Variants in SOBP observed in about 807,000 individuals in gnomAD.
SOBP encodes the protein sine oculis binding protein homolog.
A neutral mutation model predicts 53.6 loss-of-function variants in SOBP; 4 were observed. The observed-to-expected ratio is 0.07, with a 90% confidence interval of 0.04 to 0.17. The LOEUF (loss-of-function observed/expected upper bound fraction) is 0.17, where lower values mean the gene tolerates loss of function less well. SOBP is among the 10% of genes least tolerant of loss of function. The pLI, the probability that SOBP is intolerant of heterozygous loss-of-function variation, is 1.00. For synonymous variants in SOBP, 584 were observed against 522.6 expected (o/e 1.12, Z -1.60); for missense variants, 1,088 against 1,204.7 (o/e 0.90, Z 1.43).
intron 4 of SOBP, among the ~76,000 whole-genome samples, chr6:107,570,057 T>C (rs1018682928): frequency 6.6e-6 from 1 of 152,206 alleles, no homozygotes; most frequent in Non-Finnish European, 1.5e-5. Flanking sequence ...TTAGCACTTA[T>C]GCTAATGAGA....
intron 4 of SOBP, among the ~76,000 whole-genome samples, chr6:107,570,165 T>C (rs1041746748): frequency 6.6e-6 from 1 of 152,258 alleles, no homozygotes; most frequent in African/African-American, 2.4e-5. Flanking sequence ...TTATTGTCCT[T>C]CGTCTCCTGC....
chr6:107,549,823 T>G (rs1436019327), intron 4 of SOBP, among the ~76,000 whole-genome samples: 1 of 152,024 alleles, frequency 6.6e-6, no homozygotes, highest in Non-Finnish European at 1.5e-5. Flanking sequence ...GGAGATGGGG[T>G]GATGTACTGG....
intron 3 of SOBP, among the ~76,000 whole-genome samples, chr6:107,530,202 T>C (rs1035586694): frequency 6.6e-6 from 1 of 152,154 alleles, no homozygotes; most frequent in Non-Finnish European, 1.5e-5. Context: ...CTTGAAGAAA[T>C]ATTTTTTTAA....
chr6:107,510,001 C>G (rs1398843909), intron 3 of SOBP: 1 of 152,206 alleles, frequency 6.6e-6, no homozygotes, highest in African/African-American at 2.4e-5. Flanking sequence ...GGAGCTTATT[C>G]TCTTAGTTAC....
intron 2 of SOBP, 60 bp from the exon 3 acceptor site, chr6:107,506,182 A>G (rs2114949084): frequency 1.4e-6 from 2 of 1,479,618 alleles, no homozygotes; most frequent in Non-Finnish European, 1.9e-6. Context: ...ATAAGGAAAA[A>G]TTTAAGTCTA....
At chr6:107,493,998 G>A (rs560608595) in intron 1 of SOBP, among the ~76,000 whole-genome samples, 137 of 152,326 alleles carry the variant, frequency 9.0e-4, no homozygotes, top group African/African-American at 3.2e-3. Context: ...ACTTGGCATA[G>A]CTTGCTTGTA....
At position 107,490,589 on chromosome 6, in the gene SOBP, C is replaced by A; in HGVS notation, c.-28C>A. 2 of 1,563,066 alleles carry A rather than the reference C, an allele frequency of 1.3e-6. No individual in the cohort carries two copies. Among genetic ancestry groups the A allele is most frequent in the South Asian group, 1.2e-5 (1 of 86,850 alleles). ...CCGCCGGCGGCGGCAGCAGCCATTT[C>A]ATCTCCACAGAAACCAGACACAAAA... On this transcript the variant is annotated 5_prime_UTR_variant, in exon 1 of 7. Coordinates refer to ENST00000317357, the MANE Select transcript of SOBP (RefSeq NM_018013.4).
At position 107,533,295 on chromosome 6, in the gene SOBP, A is replaced by AAG. The variant is rs1311435367; in HGVS notation, c.422-154_422-153dup. On this transcript the variant is annotated intron_variant, in intron 3 of 6. Transcript: ENST00000317357. ...CCAAAAAAAAAAAAAAAAAAAAAAA[A>AAG]AGAGAGAGAGAAAGAGAGAGAGAGA... Among the ~76,000 whole-genome samples, 90 of 146,352 alleles carry AAG rather than the reference A, an allele frequency of 6.1e-4. 1 individual carries two copies. Among genetic ancestry groups the AAG allele is most frequent in the South Asian group, 5.3e-3 (24 of 4,558 alleles).
rs1167982681 is a variant in SOBP at position 107,553,495 on chromosome 6, A to AT, written c.573+19899dup. On this transcript the variant is annotated intron_variant, in intron 4 of 6. Coordinates refer to ENST00000317357, the MANE Select transcript of SOBP (RefSeq NM_018013.4). Reference sequence around the variant, plus strand: ...AGGTGCACGCCACTACACCTGGCTAATTTTTTTTTTTTTTGAGATGGAGTC... The same window carrying AT: ...AGGTGCACGCCACTACACCTGGCTAATTTTTTTTTTTTTTTGAGATGGAGTC... Among the ~76,000 whole-genome samples the AT allele has an allele frequency of 5.5e-3, 738 of 134,384 alleles. 8 individuals carry two copies. Among genetic ancestry groups the AT allele is most frequent in the African/African-American group, 0.016 (599 of 36,604 alleles). The allele number at this position is 134,384 out of a possible 152,430, so 88.2% of individuals were successfully genotyped here.
rs769494875 is a variant in SOBP at position 107,635,105 on chromosome 6, C to T, written c.2261C>T (p.Pro754Leu). ...CCGCCGCCGCCGCCGCCCGCGCCCC[C>T]CAAGAAGCTGCTGTCGCCTGAGGAA... is the stretch of plus-strand genomic sequence containing the variant. ...QPPPPPPPAPPKKLLSPEEPA... is the reference protein window; with the variant it reads ...QPPPPPPPAPLKKLLSPEEPA... Residue 754 changes from proline (P) to leucine (L), a missense_variant, in exon 6 of 7, where the codon CCC becomes CTC. Coordinates refer to ENST00000317357, the MANE Select transcript of SOBP (RefSeq NM_018013.4). The surrounding 1 kb of genome is among the most constrained non-coding windows in gnomAD (Gnocchi z 4.5). 1.9e-6 allele frequency: 3 copies of T among 1,608,896 alleles called. No individual in the cohort carries two copies. The highest frequency in any genetic ancestry group is 2.2e-5 in the East Asian group (1 of 44,586).
rs1770926228 is a variant in SOBP at position 107,634,753 on chromosome 6, G to A, written c.1909G>A (p.Gly637Ser). ...AGSPPGPPGA[G>S]GQLGFPGVLQ... ...CAGCCCCCCGGGCCCCCCGGGCGCG[G>A]GCGGCCAGCTCGGCTTCCCAGGCGT... is the stretch of plus-strand genomic sequence containing the variant. Residue 637 changes from glycine (G) to serine (S), a missense_variant, in exon 6 of 7, where the codon GGC becomes AGC. Physicochemically the swap from Gly to Ser is moderately conservative, Grantham distance 56 (BLOSUM62 0). Coordinates refer to ENST00000317357, the MANE Select transcript of SOBP (RefSeq NM_018013.4). The surrounding 1 kb of genome is among the most constrained non-coding windows in gnomAD (Gnocchi z 4.5). 3.7e-6 allele frequency: 5 copies of A among 1,335,154 alleles called. No homozygotes were observed. The highest frequency in any genetic ancestry group is 3.8e-6 in the Non-Finnish European group (4 of 1,051,440). 82.7% of individuals were successfully genotyped at this position (1,335,154 alleles called of 1,614,324 possible).
At chr6:107,565,789 C>T (rs867182835) in intron 4 of SOBP, among the ~76,000 whole-genome samples, 14 of 152,224 alleles carry the variant, frequency 9.2e-5, no homozygotes, top group African/African-American at 3.4e-4. Flanking sequence ...CCAGTTTCAG[C>T]ACCTTCCAAA....
At chr6:107,533,431 G>GA (rs1443231929) in intron 3 of SOBP, 28 bp from the exon 4 acceptor site, 39 of 1,613,300 alleles carry the variant, frequency 2.4e-5, no homozygotes, top group Non-Finnish European at 3.1e-5. Flanking sequence ...CTTCTGATAT[G>GA]AACATTTTTC....
chr6:107,539,842 T>C (rs1164057975), intron 4 of SOBP, among the ~76,000 whole-genome samples: 1 of 152,212 alleles, frequency 6.6e-6, no homozygotes, highest in East Asian at 1.9e-4. Context: ...TAAAGAATTA[T>C]CTTACAGGTC....
rs549973725 is a variant in SOBP at position 107,569,565 on chromosome 6, G to C, written c.574-17515G>C. Among the ~76,000 whole-genome samples, 6 of 152,330 alleles carry C rather than the reference G, an allele frequency of 3.9e-5. No individual in the cohort carries two copies. The East Asian group carries it at 1.2e-3, about 29-fold the overall frequency. On this transcript the variant is annotated intron_variant, in intron 4 of 6. Coordinates refer to ENST00000317357, the MANE Select transcript of SOBP (RefSeq NM_018013.4). ...TCGTTACTTTGGCTTTTTTTGGCTA[G>C]TGTTGCATCTTATAAGTCACAGTCT... is the stretch of plus-strand genomic sequence containing the variant.
At chr6:107,656,705 ACCT>A (rs1393532744) in intron 6 of SOBP, among the ~76,000 whole-genome samples, 1 of 152,054 alleles carries the variant, frequency 6.6e-6, no homozygotes, top group African/African-American at 2.4e-5. Flanking sequence ...TGGGCATTTG[ACCT>A]CCTCTTGCTC....
chr6:107,553,495 ATT>A (rs1167982681), intron 4 of SOBP, among the ~76,000 whole-genome samples: 2 of 134,370 alleles, frequency 1.5e-5, no homozygotes, highest in Admixed American at 7.4e-5. Flanking sequence ...CACCTGGCTA[ATT>A]TTTTTTTTTT....
At chr6:107,640,623 C>T (rs1160909156) in intron 6 of SOBP, among the ~76,000 whole-genome samples, 2 of 152,094 alleles carry the variant, frequency 1.3e-5, no homozygotes, top group East Asian at 1.9e-4. Flanking sequence ...GAGATATGTC[C>T]CAATTCAATG....
At chr6:107,591,639 C>A (rs1785751892) in intron 5 of SOBP, among the ~76,000 whole-genome samples, 2 of 152,114 alleles carry the variant, frequency 1.3e-5, no homozygotes, top group African/African-American at 4.8e-5. Flanking sequence ...TACCTGAAGG[C>A]TAAGGGGTGA....
Sources: gnomAD v4.1 joint callset for allele counts (sites outside exome capture counted in the v4.1 genomes callset) on GRCh38, gnomAD v4.1.1 for gene constraint, Gnocchi (gnomAD v3.1) non-coding constraint, MANE v1.5 for transcripts, NCBI Gene and HGNC (gene_info 2026-07-23, HGNC 2026-07-21) for gene names.